Variants in ZAN observed in about 807,000 individuals in gnomAD.
ZAN encodes the protein zonadhesin, also known as zonadhesin (gene/pseudogene).
ZAN carries 260 observed loss-of-function variants against 286.2 expected under a neutral mutation model. That is an observed-to-expected ratio of 0.91 (90% CI 0.82 to 1.01). The LOEUF (loss-of-function observed/expected upper bound fraction) is 1.01. ZAN is among the 50% of genes least tolerant of loss of function. The pLI is 0.00. For missense variants in ZAN, 3,410 were observed against 3,639.2 expected, an observed-to-expected ratio of 0.94 and a Z score of 1.62; for synonymous variants, 1,368 against 1,417.5, an observed-to-expected ratio of 0.97 and a Z score of 0.79.
rs964807878 is a variant in ZAN, at chr7:100,734,894, A to C, written c.53+673A>C. ...TTAAGTACGAGGCAGCAAAGAAATG[A>C]CGGATGACAGGCCAAGCGCGGCGGC... On this transcript the variant is annotated intron_variant, in intron 2 of 47. Transcript: ENST00000613979. 1.0e-4 allele frequency among the ~76,000 whole-genome samples: 14 copies of C among 140,148 alleles called. 2 individuals are homozygous for C. The highest frequency in any genetic ancestry group is 9.9e-4 in the Admixed American group (14 of 14,092). The allele number at this position is 140,148 out of a possible 152,430, so 91.9% of individuals were successfully genotyped here.
intron 28 of ZAN, among the ~76,000 whole-genome samples, chr7:100,770,503 C>CA (rs71126334): frequency 0.35 from 32,723 of 93,648 alleles, 6,568 homozygotes; most frequent in African/African-American, 0.43. Context: ...GACTCTGTCT[C>CA]AAAAAAAAAA....
chr7:100,751,084 A>G (rs1808629998), intron 12 of ZAN, 98 bp from the exon 13 acceptor site: 28 of 1,347,358 alleles, frequency 2.1e-5, no homozygotes, highest in Non-Finnish European at 2.7e-5. Flanking sequence ...ACAAGGCGAC[A>G]TTTTGGCAGA....
Position 100,759,770 on chromosome 7 carries a change from C to G in ZAN, c.3621C>G (p.Gly1207=). The change falls in exon 18 of 48, where the codon GGC becomes GGG. Residue 1207 remains glycine (G), a synonymous_variant. Transcript: ENST00000613979. ...TAKNEEQGQE[G]VSCLSKVYVT... ...AGAATGAGGAGCAGGGACAGGAAGG[C>G]GTGTCCTGCCTGAGCAAAGTCTACG... is the stretch of plus-strand genomic sequence containing the variant. The G allele has an allele frequency of 6.2e-7, 1 of 1,601,054 alleles. No homozygotes were observed. The highest frequency in any genetic ancestry group is 8.5e-7 in the Non-Finnish European group (1 of 1,174,070).
Position 100,752,821 on chromosome 7 carries a change from C to G in ZAN, c.2716C>G (p.Pro906Ala). Residue 906 changes from proline to alanine, a missense_variant, in exon 14 of 48, where the codon CCC (proline) becomes GCC (alanine). Around this residue, in one of 7 missense-constraint regions of ZAN, gnomAD observed 51 missense variants for 105.2 expected, o/e 0.48. Transcript: ENST00000613979. The stretch of plus-strand genomic sequence containing the variant: ...AAAACTCACCATCCCCACAGAAAAA[C>G]CCACCATCTCCCCAGAAAAACCCAC... ...TEKLTIPTEKPTISPEKPTIS... is the reference protein window; with the variant it reads ...TEKLTIPTEKATISPEKPTIS... 6.3e-7 allele frequency: 1 copy of G among 1,593,876 alleles called. No individual in the cohort carries two copies. Among genetic ancestry groups the G allele is most frequent in the Non-Finnish European group, 8.6e-7 (1 of 1,168,980 alleles).
At chr7:100,751,100 GA>G in intron 12 of ZAN, 81 bp from the exon 13 acceptor site, 1 of 1,361,438 alleles carries the variant, frequency 7.3e-7, no homozygotes, top group Non-Finnish European at 1.0e-6. Flanking sequence ...GCAGAGAACA[GA>G]TTCTATGCCC....
At chr7:100,787,365 A>G (rs1357304971) in intron 37 of ZAN, among the ~76,000 whole-genome samples, 2 of 152,058 alleles carry the variant, frequency 1.3e-5, no homozygotes, top group South Asian at 2.1e-4. Context: ...GCAGTGAGCT[A>G]TGATCGTACC....
In ZAN at chr7:100,786,000, G is replaced by C; in HGVS notation, c.6838G>C (p.Gly2280Arg). 13 of 1,613,404 alleles carry C rather than the reference G, an allele frequency of 8.1e-6. No individual in the cohort carries two copies. The highest frequency in any genetic ancestry group is 1.1e-5 in the Non-Finnish European group (13 of 1,179,734). ...TCTCTTCCTGTAACTTCTACAGCTG[G>C]GCAAGAGCTGGGTCTCCAGCGGTTG... ...KDAHGGSIPL[G>R]KSWVSSGCTE... Residue 2280 changes from glycine to arginine, a missense_variant, in exon 37 of 48, where the codon GGC becomes CGC. Around this residue, in one of 7 missense-constraint regions of ZAN, gnomAD observed 1,289 missense variants for 1,314.3 expected, o/e 0.98. Transcript: ENST00000613979.
chr7:100,765,249 C>A, intron 22 of ZAN, 103 bp from the exon 23 acceptor site: 1 of 1,307,268 alleles, frequency 7.6e-7, no homozygotes, highest in Non-Finnish European at 1.1e-6. Context: ...CGAGATTGGC[C>A]AGAAGCCTGG....
chr7:100,795,181 T>C lies in ZAN; in HGVS notation c.8126-15T>C. 1 of 1,603,446 alleles carries C rather than the reference T, an allele frequency of 6.2e-7. No homozygotes were observed. Among genetic ancestry groups the C allele is most frequent in the Non-Finnish European group, 8.5e-7 (1 of 1,175,154 alleles). ...TCCCAGGGCCCCCCTCCCACAACCC[T>C]CTCTGTCCTTGCAGAAAGCCCGTGT... On this transcript the variant is annotated splice_polypyrimidine_tract_variant and intron_variant, in intron 44 of 47. Transcript: ENST00000613979.
chr7:100,744,695 C>T (rs1304875514), intron 7 of ZAN, among the ~76,000 whole-genome samples: 1 of 151,522 alleles, frequency 6.6e-6, no homozygotes, highest in African/African-American at 2.4e-5. Flanking sequence ...CTCTGCAACC[C>T]CTCAGCATTT....
In ZAN at chr7:100,775,458, C is replaced by T. The variant is rs773906050; in HGVS notation, c.5910C>T (p.Phe1970=). 1 of 1,613,996 alleles carries T rather than the reference C, an allele frequency of 6.2e-7. No homozygotes were observed. Among genetic ancestry groups the T allele is most frequent in the African/African-American group, 1.3e-5 (1 of 75,054 alleles). ...ACCCCGCCATGGCCTTGCCCTTCTT[C>T]AAGATCAGTGCCAAGCATGAGAAGG... ...VCHPAMALPF[F]KISAKHEKEE... Residue 1970 remains phenylalanine, a synonymous_variant, in exon 32 of 48, where the codon TTC becomes TTT. Transcript: ENST00000613979.
intron 1 of ZAN, 120 bp from the exon 2 acceptor site, chr7:100,733,907 G>A: frequency 3.0e-6 from 1 of 333,978 alleles, no homozygotes; most frequent in South Asian, 4.0e-5. Flanking sequence ...CTCCAAACCT[G>A]TTTCCTTTTT....
At chr7:100,784,539 A>G in intron 35 of ZAN, 84 bp from the exon 36 acceptor site, 2 of 1,373,012 alleles carry the variant, frequency 1.5e-6, no homozygotes, top group Non-Finnish European at 1.0e-6. Flanking sequence ...TTGGTCATCC[A>G]CCCATAGCTT....
rs770989098 is a variant in ZAN at position 100,736,805 on chromosome 7, C to T, written c.254-4C>T. 2 of 1,470,178 alleles carry T rather than the reference C, an allele frequency of 1.4e-6. No homozygotes were observed. The highest frequency in any genetic ancestry group is 2.8e-5 in the African/African-American group (2 of 70,188). 91.1% of individuals were successfully genotyped at this position (1,470,178 alleles called of 1,614,324 possible). ...CTCAGTGTCTTGGGCTCTGCCTCCC[C>T]CAGAGGGCAGCTATCTGCATATGGA... is the stretch of plus-strand genomic sequence containing the variant. On this transcript the variant is annotated splice_region_variant and splice_polypyrimidine_tract_variant and intron_variant, in intron 4 of 47. Transcript: ENST00000613979.
rs181408229 is a variant in ZAN at position 100,782,832 on chromosome 7, G to A, written c.6623-1791G>A. On this transcript the variant is annotated intron_variant, in intron 35 of 47. Transcript: ENST00000613979. ...TATTAAATGACTAGTCTGTCTTTGC[G>A]CAGGGACTGAGATACCACAATTTAT... 3.3e-5 allele frequency among the ~76,000 whole-genome samples: 5 copies of A among 152,146 alleles called. No individual in the cohort carries two copies. In the South Asian group the frequency reaches 6.2e-4, roughly 19 times the overall value.
chr7:100,760,663 C>A, intron 19 of ZAN, 127 bp downstream of exon 19: 1 of 1,382,714 alleles, frequency 7.2e-7, no homozygotes, highest in Non-Finnish European at 9.8e-7. Context: ...ATCCTTTATG[C>A]ATTCACGGAT....
intron 15 of ZAN, among the ~76,000 whole-genome samples, chr7:100,756,216 G>A: frequency 6.6e-6 from 1 of 152,228 alleles, no homozygotes; most frequent in Middle Eastern, 3.4e-3. Context: ...CTTAATAAGT[G>A]TTAATTATTA....
intron 12 of ZAN, 60 bp from the exon 13 acceptor site, chr7:100,751,122 C>T: frequency 6.9e-7 from 1 of 1,439,538 alleles, no homozygotes; most frequent in South Asian, 1.3e-5. Context: ...AGTGGAATCA[C>T]AGAGTTGCTG....
chr7:100,763,834 C>T lies in ZAN; in HGVS notation c.4015C>T (p.Pro1339Ser). The change falls in exon 21 of 48, where the codon CCG becomes TCG. Residue 1339 changes from proline (P) to serine (S), a missense_variant. Physicochemically the swap from Pro to Ser is moderately conservative, Grantham distance 74. Around this residue, in one of 7 missense-constraint regions of ZAN, gnomAD observed 1,042 missense variants for 1,058.0 expected, o/e 0.98. Transcript: ENST00000613979. This position sits in a 1 kb window ranked among gnomAD's most constrained non-coding sequence, Gnocchi z 4.6. Reference sequence around the variant, plus strand: ...TCAGAAGTACCAGGTGGTGAATTCCCCGTCTTGTGATTCATCTCTGCAGAG... The same window carrying T: ...TCAGAAGTACCAGGTGGTGAATTCCTCGTCTTGTGATTCATCTCTGCAGAG... Reference protein sequence around the residue: ...ECQKYQVVNSPSCDSSLQSSM... With the variant: ...ECQKYQVVNSSSCDSSLQSSM... The T allele has an allele frequency of 2.5e-6, 4 of 1,613,998 alleles. No individual in the cohort carries two copies. Among genetic ancestry groups the T allele is most frequent in the Non-Finnish European group, 3.4e-6 (4 of 1,179,896 alleles).
Sources: gnomAD v4.1 joint callset for allele counts (sites outside exome capture counted in the v4.1 genomes callset) on GRCh38, gnomAD v4.1.1 for gene constraint, gnomAD v4.1.1 regional missense constraint, Gnocchi (gnomAD v3.1) non-coding constraint, MANE v1.5 for transcripts, NCBI Gene and HGNC (gene_info 2026-07-23, HGNC 2026-07-21) for gene names.